CEP70: variants seen among roughly 807,000 people sequenced by gnomAD.
CEP70 encodes the protein centrosomal protein 70, also known as centrosomal protein of 70 kDa.
Under a neutral mutation model 90.9 loss-of-function variants are expected in CEP70, and 70 were observed. The ratio of observed to expected loss-of-function variants is 0.77; its 90% CI spans 0.64 to 0.94. The LOEUF (loss-of-function observed/expected upper bound fraction) is 0.94. Ranked by LOEUF, CEP70 falls within the 40% of genes least tolerant of loss-of-function variation. The pLI is 0.00. For synonymous variants in CEP70, 220 were observed against 228.3 expected (o/e 0.96, Z 0.33); for missense variants, 648 against 669.0 (o/e 0.97, Z 0.35).
intron 10 of CEP70, among the ~76,000 whole-genome samples, chr3:138,527,712 AAT>A (rs1490952683): frequency 2.0e-5 from 3 of 148,678 alleles, no homozygotes; most frequent in African/African-American, 5.0e-5. Flanking sequence ...AAAAAAAAAA[AAT>A]CTCAATGGGC....
chr3:138,505,607 G>A, intron 12 of CEP70, 142 bp from the exon 13 acceptor site: 1 of 490,252 alleles, frequency 2.0e-6, no homozygotes, highest in Non-Finnish European at 3.2e-6. Flanking sequence ...ATAAGGAATT[G>A]GCTCATGCAA....
intron 10 of CEP70, 103 bp downstream of exon 10, chr3:138,529,096 G>A: frequency 1.5e-6 from 1 of 650,922 alleles, no homozygotes; most frequent in Non-Finnish European, 2.6e-6. Context: ...AGCCCTGGAG[G>A]TCAAGGCTGC....
chr3:138,500,812 C>T lies in CEP70; in HGVS notation c.1291G>A (p.Glu431Lys). The T allele has an allele frequency of 6.2e-7, 1 of 1,605,752 alleles. No homozygotes were observed. Among genetic ancestry groups the T allele is most frequent in the East Asian group, 2.2e-5 (1 of 44,574 alleles). Residue 431 changes from glutamate to lysine, a missense_variant, in exon 14 of 18, where the codon GAA becomes AAA. Coordinates refer to ENST00000264982, the MANE Select transcript of CEP70 (RefSeq NM_024491.4). ...TCTTCAACTTTGATACCTTCATTTT[C>T]ATCCTGCTTCTTCAAATTAAGCCAA... ...VPWLNLKKQD[E>K]NEGIKVEDLL...
intron 11 of CEP70, among the ~76,000 whole-genome samples, chr3:138,509,117 A>C (rs1420217185): frequency 1.3e-5 from 2 of 152,182 alleles, no homozygotes; most frequent in Non-Finnish European, 2.9e-5. Context: ...GAATCTCTGA[A>C]GACAGAAGAG....
At chr3:138,571,611 C>A (rs947723351) in intron 3 of CEP70, among the ~76,000 whole-genome samples, 8 of 151,954 alleles carry the variant, frequency 5.3e-5, no homozygotes, top group Admixed American at 2.6e-4. Context: ...TGGACAAAAC[C>A]AACAACAACA....
chr3:138,587,016 T>C (rs1326433477), intron 2 of CEP70, among the ~76,000 whole-genome samples: 2 of 151,912 alleles, frequency 1.3e-5, no homozygotes, highest in South Asian at 2.1e-4. Context: ...AAAAAAAATC[T>C]CTACAGACAA....
chr3:138,528,032 G>T (rs1576661869), intron 10 of CEP70, among the ~76,000 whole-genome samples: 2 of 147,590 alleles, frequency 1.4e-5, no homozygotes, highest in African/African-American at 2.5e-5. Context: ...AAAAAAGACT[G>T]AATCTATTTG....
chr3:138,529,624 T>G (rs2037627825), intron 8 of CEP70, among the ~76,000 whole-genome samples, 162 bp from the exon 9 acceptor site: 8 of 152,222 alleles, frequency 5.3e-5, no homozygotes, highest in Admixed American at 5.2e-4. Context: ...ACTACTACTA[T>G]CTAATATTAT....
chr3:138,506,657 T>A lies in CEP70; in HGVS notation c.1051-1192A>T, dbSNP rs4129949. On this transcript the variant is annotated intron_variant, in intron 12 of 17. Transcript: ENST00000264982. ...CCTCCTGGTAATATGACTTAAGATG[T>A]TTATTACTTCAGATGTTTATTTAGA... is the stretch of plus-strand genomic sequence containing the variant. Among the ~76,000 whole-genome samples the A allele has an allele frequency of 3.1e-3, 473 of 152,334 alleles. 4 individuals carry two copies. Among genetic ancestry groups the A allele is most frequent in the African/African-American group, 0.011 (449 of 41,582 alleles).
At chr3:138,578,788 C>G (rs764819495) in intron 2 of CEP70, among the ~76,000 whole-genome samples, 1 of 152,060 alleles carries the variant, frequency 6.6e-6, no homozygotes, top group Non-Finnish European at 1.5e-5. Context: ...GAGGTCTAAC[C>G]CCATCAAAAG....
At chr3:138,559,831 C>A (rs1053604041) in intron 6 of CEP70, among the ~76,000 whole-genome samples, 1 of 152,164 alleles carries the variant, frequency 6.6e-6, no homozygotes, top group Non-Finnish European at 1.5e-5. Context: ...CAATTGAATT[C>A]TCAGCAGAAA....
chr3:138,527,351 G>T (rs1411036414), intron 10 of CEP70, among the ~76,000 whole-genome samples: 1 of 150,570 alleles, frequency 6.6e-6, no homozygotes, highest in East Asian at 1.9e-4. Context: ...TTTTAATATG[G>T]AACGCTTCAT....
At chr3:138,559,680 G>A (rs2040259840) in intron 6 of CEP70, among the ~76,000 whole-genome samples, 1 of 152,176 alleles carries the variant, frequency 6.6e-6, no homozygotes. Flanking sequence ...AGCCAAGCTT[G>A]TGCCACTGCA....
chr3:138,570,206 T>C (rs1485668625), intron 6 of CEP70, 112 bp downstream of exon 6: 5 of 629,532 alleles, frequency 7.9e-6, no homozygotes, highest in Non-Finnish European at 1.3e-5. Flanking sequence ...GTAGCAGTGA[T>C]AAGCCAAAAA....
intron 2 of CEP70, among the ~76,000 whole-genome samples, chr3:138,573,906 A>G (rs1223440987): frequency 6.6e-6 from 1 of 152,252 alleles, no homozygotes; most frequent in East Asian, 1.9e-4. Context: ...GAAGTATATA[A>G]TTTTCTAACT....
intron 11 of CEP70, among the ~76,000 whole-genome samples, chr3:138,518,392 G>C (rs978523889): frequency 2.0e-5 from 3 of 152,200 alleles, no homozygotes; most frequent in African/African-American, 7.2e-5. Flanking sequence ...TCCTCAAGTG[G>C]GTCCCTGACC....
intron 2 of CEP70, among the ~76,000 whole-genome samples, chr3:138,578,972 G>A (rs976359258): frequency 2.0e-5 from 3 of 152,200 alleles, no homozygotes; most frequent in African/African-American, 7.2e-5. Context: ...AAGAGGCACC[G>A]AAGAGGGTAG....
In CEP70 at chr3:138,500,766, G is replaced by C. The variant is rs370054530; in HGVS notation, c.1337C>G (p.Thr446Ser). 16 of 1,602,398 alleles carry C rather than the reference G, an allele frequency of 1.0e-5. No individual in the cohort carries two copies. In the African/African-American group the frequency reaches 1.9e-4, roughly 19 times the overall value. Residue 446 changes from threonine (T) to serine (S), a missense_variant, in exon 14 of 18, where the codon ACT becomes AGT. By Grantham distance (58) the Thr-to-Ser change is moderately conservative. Coordinates refer to ENST00000264982, the MANE Select transcript of CEP70 (RefSeq NM_024491.4). ...CTTATTTTCAACTTCTTCCAGCATA[G>C]TATCTACTATAAACAACAAATCTTC... ...KVEDLLFIVDTMLEEVENKEK... is the reference protein window; with the variant it reads ...KVEDLLFIVDSMLEEVENKEK...
chr3:138,516,240 A>G (rs1220254573), intron 11 of CEP70, among the ~76,000 whole-genome samples: 1 of 152,234 alleles, frequency 6.6e-6, no homozygotes, highest in Non-Finnish European at 1.5e-5. Flanking sequence ...CTAGAATGCC[A>G]AACAGATGTA....
Sources: gnomAD v4.1 joint callset for allele counts (sites outside exome capture counted in the v4.1 genomes callset) on GRCh38, gnomAD v4.1.1 for gene constraint, MANE v1.5 for transcripts, NCBI Gene and HGNC (gene_info 2026-07-23, HGNC 2026-07-21) for gene names.